LDLRAD3: variants seen among roughly 807,000 people sequenced by gnomAD.
The protein encoded by LDLRAD3 is low-density lipoprotein receptor class A domain-containing protein 3.
A neutral mutation model predicts 29.4 loss-of-function variants in LDLRAD3; 20 were observed. The ratio of observed to expected loss-of-function variants is 0.68; its 90% confidence interval spans 0.48 to 0.99. LDLRAD3 has a LOEUF of 0.99. LDLRAD3 is among the 50% of genes least tolerant of loss of function. The pLI, the probability that LDLRAD3 is intolerant of heterozygous loss-of-function variation, is 0.00. For synonymous variants in LDLRAD3, 157 were observed against 192.7 expected (o/e 0.81, Z 1.53); for missense variants, 420 against 454.3 (o/e 0.92, Z 0.69).
chr11:36,092,084 T>G (rs986123679), intron 3 of LDLRAD3, among the ~76,000 whole-genome samples: 1 of 152,234 alleles, frequency 6.6e-6, no homozygotes, highest in African/African-American at 2.4e-5. Context: ...TATTTATGCC[T>G]TTCAACACCA....
intron 4 of LDLRAD3, among the ~76,000 whole-genome samples, chr11:36,148,939 A>G (rs1854235730): frequency 6.6e-6 from 1 of 152,242 alleles, no homozygotes; most frequent in African/African-American, 2.4e-5. Flanking sequence ...AAATGAAGTT[A>G]GTGAAATGGT....
chr11:36,002,780 C>T (rs1291428871), intron 1 of LDLRAD3, among the ~76,000 whole-genome samples: 1 of 152,178 alleles, frequency 6.6e-6, no homozygotes, highest in Non-Finnish European at 1.5e-5. Context: ...CTTTGGCACA[C>T]CTACCACATT....
At chr11:36,159,540 C>T (rs1471210181) in intron 4 of LDLRAD3, among the ~76,000 whole-genome samples, 2 of 139,134 alleles carry the variant, frequency 1.4e-5, no homozygotes, top group Non-Finnish European at 3.0e-5. Context: ...AGAAGGATCA[C>T]TTGAGGCCAG....
intron 4 of LDLRAD3, among the ~76,000 whole-genome samples, chr11:36,191,496 G>A (rs571285981): frequency 1.3e-5 from 2 of 149,914 alleles, no homozygotes; most frequent in African/African-American, 4.9e-5. Context: ...TGAGCTATGA[G>A]CGCGCCACTG....
intron 4 of LDLRAD3, among the ~76,000 whole-genome samples, chr11:36,210,563 G>C (rs912134726): frequency 1.3e-5 from 2 of 152,090 alleles, no homozygotes; most frequent in South Asian, 2.1e-4. Context: ...GAACAACCGG[G>C]TTCAGTGACC....
chr11:36,120,247 T>C (rs12291028), intron 4 of LDLRAD3, among the ~76,000 whole-genome samples: 2,014 of 152,308 alleles, frequency 0.013, 45 homozygotes, highest in African/African-American at 0.045. Context: ...TGTATGATGA[T>C]GTAACAGGCA....
intron 4 of LDLRAD3, among the ~76,000 whole-genome samples, chr11:36,167,496 CAG>C (rs1854532105): frequency 2.8e-4 from 3 of 10,770 alleles, no homozygotes; most frequent in Middle Eastern, 0.12. Flanking sequence ...ATTTTGGACA[CAG>C]AGACACAGAC....
At chr11:36,173,003 T>C (rs754615654) in intron 4 of LDLRAD3, among the ~76,000 whole-genome samples, 2 of 152,198 alleles carry the variant, frequency 1.3e-5, no homozygotes, top group African/African-American at 2.4e-5. Context: ...TCAATTGGGC[T>C]GCTTGTTATT....
Position 36,229,193 on chromosome 11 carries a change from C to T in LDLRAD3, c.834C>T (p.Tyr278=). 1 of 1,614,112 alleles carries T rather than the reference C, an allele frequency of 6.2e-7. No homozygotes were observed. The highest frequency in any genetic ancestry group is 1.7e-5 in the Admixed American group (1 of 60,020). ...GGTATGACCTTCCTCCACCGCCCTA[C>T]TCTTCTGACACGGAATCTCTGAACC... ...PAWYDLPPPP[Y]SSDTESLNQA... is the part of the protein sequence containing the mutation. The change falls in exon 6 of 6, where the codon TAC becomes TAT. Residue 278 remains tyrosine, a synonymous_variant. Coordinates refer to ENST00000315571, the MANE Select transcript of LDLRAD3 (RefSeq NM_174902.4).
At chr11:35,985,652 C>T (rs1462332826) in intron 1 of LDLRAD3, among the ~76,000 whole-genome samples, 3 of 152,042 alleles carry the variant, frequency 2.0e-5, no homozygotes, top group Non-Finnish European at 4.4e-5. Context: ...ATCACGGGGG[C>T]AGGTTTTTCC....
At chr11:35,980,329 A>T (rs1851524923) in intron 1 of LDLRAD3, among the ~76,000 whole-genome samples, 1 of 152,090 alleles carries the variant, frequency 6.6e-6, no homozygotes, top group African/African-American at 2.4e-5. Context: ...CTTTATTGGG[A>T]TGGGCGTTAT....
chr11:36,099,765 T>C (rs1853418082), intron 4 of LDLRAD3, among the ~76,000 whole-genome samples: 1 of 152,194 alleles, frequency 6.6e-6, no homozygotes, highest in Non-Finnish European at 1.5e-5. Flanking sequence ...GAGAGTGGGC[T>C]ACAAACCAAG....
intron 1 of LDLRAD3, among the ~76,000 whole-genome samples, chr11:35,990,531 C>T (rs1316684269): frequency 1.3e-5 from 2 of 152,088 alleles, no homozygotes; most frequent in South Asian, 2.1e-4. Context: ...GATTCTCCTG[C>T]CTCAGCTTCC....
chr11:36,130,619 T>G (rs1036529165), intron 4 of LDLRAD3, among the ~76,000 whole-genome samples: 1 of 152,094 alleles, frequency 6.6e-6, no homozygotes, highest in Non-Finnish European at 1.5e-5. Flanking sequence ...CCCCTCCAGC[T>G]CCCCTGTTCT....
At chr11:35,950,219 G>T (rs1030358584) in intron 1 of LDLRAD3, among the ~76,000 whole-genome samples, 16 of 152,164 alleles carry the variant, frequency 1.1e-4, no homozygotes, top group Non-Finnish European at 2.2e-4. Flanking sequence ...TGTACTGATG[G>T]ATCTTGGACC....
chr11:35,994,471 G>A (rs780930804), intron 1 of LDLRAD3, among the ~76,000 whole-genome samples: 3 of 150,808 alleles, frequency 2.0e-5, no homozygotes, highest in Non-Finnish European at 4.4e-5. Flanking sequence ...AAGTGCTAAT[G>A]AACATCTAGC....
chr11:36,054,825 GTGGATGGATGGATGAATGGATGGATGGA>G (rs1480520266), intron 2 of LDLRAD3, among the ~76,000 whole-genome samples: 25 of 95,220 alleles, frequency 2.6e-4, no homozygotes, highest in African/African-American at 1.1e-3. Flanking sequence ...GGATGGATAG[GTGGATGGATGGATGAATGGATGGATGGA>G]TGGATGGATG....
chr11:36,143,235 C>G (rs919175018), intron 4 of LDLRAD3, among the ~76,000 whole-genome samples: 1 of 152,190 alleles, frequency 6.6e-6, no homozygotes, highest in African/African-American at 2.4e-5. Context: ...TCCCCAGGCA[C>G]AACGCGCTGT....
intron 4 of LDLRAD3, among the ~76,000 whole-genome samples, chr11:36,103,371 G>A (rs939655291): frequency 6.6e-5 from 10 of 151,546 alleles, no homozygotes; most frequent in Admixed American, 6.6e-4. Flanking sequence ...CAGAGTAGCT[G>A]GGACTACAGG....
Sources: allele counts gnomAD v4.1 joint callset (sites outside exome capture counted in the v4.1 genomes callset), GRCh38; gene constraint gnomAD v4.1.1; transcripts MANE v1.5; gene names NCBI Gene and HGNC (gene_info 2026-07-23, HGNC 2026-07-21).